CYP19A1: variants seen among roughly 807,000 people sequenced by gnomAD.
CYP19A1 encodes aromatase.
A neutral mutation model predicts 44.4 loss-of-function variants in CYP19A1; 32 were observed. The observed-to-expected ratio is 0.72, with a 90% CI of 0.54 to 0.97. The LOEUF (loss-of-function observed/expected upper bound fraction) is 0.97, where lower values mean the gene tolerates loss of function less well. Ranked by LOEUF, CYP19A1 falls within the 50% of genes least tolerant of loss-of-function variation. The pLI is 0.00. For missense variants in CYP19A1, 598 were observed against 637.8 expected (o/e 0.94, Z 0.67); for synonymous variants, 212 against 215.6 (o/e 0.98, Z 0.14).
rs77828415 is a variant in CYP19A1 at position 51,210,528 on chromosome 15, T to A, written c.*280A>T. The A allele has an allele frequency of 2.8e-3, 1,620 of 585,826 alleles. 35 individuals are homozygous for A. In the East Asian group the frequency reaches 0.048, roughly 17 times the overall value. The allele number at this position is 585,826 out of a possible 1,614,324, so 36.3% of individuals were successfully genotyped here. A position where few individuals can be genotyped will look rare whatever the true frequency, so the allele number is the denominator to read the frequency against. ...GAAGGCCTATCCTTCTCAAAGCACA[T>A]TTGGTGGAATCGGGTCTTTATGGAT... On this transcript the variant is annotated 3_prime_UTR_variant, in exon 10 of 10. Coordinates refer to ENST00000396402, the MANE Select transcript of CYP19A1 (RefSeq NM_000103.4).
At chr15:51,213,352 A>T (rs2031225161) in intron 8 of CYP19A1, among the ~76,000 whole-genome samples, 1 of 152,194 alleles carries the variant, frequency 6.6e-6, no homozygotes, top group Non-Finnish European at 1.5e-5. Flanking sequence ...AGACATGGTA[A>T]AGCTTCAGAG....
chr15:51,319,750 C>T (rs946214044), intron 1 of CYP19A1, among the ~76,000 whole-genome samples: 2 of 152,224 alleles, frequency 1.3e-5, no homozygotes, highest in African/African-American at 4.8e-5. Flanking sequence ...TAGCCCTGCA[C>T]GTGTGCAAGC....
rs148195871 is a variant in CYP19A1 at position 51,224,558 on chromosome 15, G to A, written c.452-2033C>T. ...AGTACTATAGGCTCTACTACTGTAG[G>A]GTCTACCCTTTTGACATTTCTTGAA... On this transcript the variant is annotated intron_variant, in intron 4 of 9. Coordinates refer to ENST00000396402, the MANE Select transcript of CYP19A1 (RefSeq NM_000103.4). 8.5e-5 allele frequency among the ~76,000 whole-genome samples: 13 copies of A among 152,222 alleles called. No individual in the cohort carries two copies. In the East Asian group the frequency reaches 2.5e-3, roughly 29 times the overall value.
intron 1 of CYP19A1, among the ~76,000 whole-genome samples, chr15:51,245,757 T>A (rs1282599860): frequency 1.3e-5 from 2 of 152,248 alleles, no homozygotes; most frequent in Non-Finnish European, 2.9e-5. Context: ...CTAAGCACTT[T>A]AGAAATATTA....
At chr15:51,216,671 G>T (rs942164143) in intron 6 of CYP19A1, among the ~76,000 whole-genome samples, 1 of 152,292 alleles carries the variant, frequency 6.6e-6, no homozygotes, top group Middle Eastern at 3.4e-3. Context: ...TGCCTTGTTA[G>T]TTTCTGCCAC....
intron 2 of CYP19A1, 35 bp downstream of exon 2, chr15:51,242,733 A>G: frequency 1.5e-6 from 2 of 1,378,156 alleles, no homozygotes; most frequent in Admixed American, 1.7e-5. Context: ...CAAGTAAATA[A>G]TCTCCTTAGA....
At chr15:51,241,438 C>T (rs992452043) in intron 2 of CYP19A1, among the ~76,000 whole-genome samples, 6 of 152,122 alleles carry the variant, frequency 3.9e-5, no homozygotes, top group East Asian at 1.9e-4. Flanking sequence ...GGCAATGCTG[C>T]GTGGGCAATG....
chr15:51,335,081 T>C (rs1401550164), intron 1 of CYP19A1, among the ~76,000 whole-genome samples: 1 of 152,144 alleles, frequency 6.6e-6, no homozygotes, highest in South Asian at 2.1e-4. Context: ...AATAACCATT[T>C]TGTACTCCAA....
At chr15:51,291,643 A>G (rs568062751) in intron 1 of CYP19A1, among the ~76,000 whole-genome samples, 16 of 152,348 alleles carry the variant, frequency 1.1e-4, no homozygotes, top group African/African-American at 3.6e-4. Flanking sequence ...AGCCTTGAAC[A>G]TGTTGAAATG....
chr15:51,295,975 A>C (rs2035987251), intron 1 of CYP19A1, among the ~76,000 whole-genome samples: 1 of 152,190 alleles, frequency 6.6e-6, no homozygotes, highest in Non-Finnish European at 1.5e-5. Context: ...GTTGAAGATG[A>C]CCATGACCAA....
intron 1 of CYP19A1, among the ~76,000 whole-genome samples, chr15:51,295,140 T>G (rs1277393565): frequency 3.2e-4 from 35 of 109,786 alleles, no homozygotes; most frequent in Non-Finnish European, 4.4e-4. Flanking sequence ...CAACGTGTTT[T>G]TTTTTTTTTT....
chr15:51,233,551 G>T (rs1319589033), intron 3 of CYP19A1, among the ~76,000 whole-genome samples: 1 of 152,158 alleles, frequency 6.6e-6, no homozygotes, highest in Non-Finnish European at 1.5e-5. Context: ...ATCATTCAGT[G>T]CTTAGTATAT....
intron 1 of CYP19A1, among the ~76,000 whole-genome samples, chr15:51,298,967 G>A (rs9282663): frequency 0.032 from 4,838 of 152,356 alleles, 106 homozygotes; most frequent in Middle Eastern, 0.061. Context: ...GAAGTTGGGA[G>A]AGGAGTGGCT....
chr15:51,210,678 G>A lies in CYP19A1; in HGVS notation c.*130C>T, dbSNP rs2141029169. Reference sequence around the variant, plus strand: ...CACCTAGCTTGGTGACAACCCATAGGAGGTATGCCTATAAAATGCCATGGG... The same window carrying A: ...CACCTAGCTTGGTGACAACCCATAGAAGGTATGCCTATAAAATGCCATGGG... On this transcript the variant is annotated 3_prime_UTR_variant, in exon 10 of 10. Coordinates refer to ENST00000396402, the MANE Select transcript of CYP19A1 (RefSeq NM_000103.4). 1 of 777,734 alleles carries A rather than the reference G, an allele frequency of 1.3e-6. No individual in the cohort carries two copies. The highest frequency in any genetic ancestry group is 2.4e-5 in the East Asian group (1 of 41,072). 48.2% of individuals were successfully genotyped at this position (777,734 alleles called of 1,614,324 possible). A position where few individuals can be genotyped will look rare whatever the true frequency, so the allele number is the denominator to read the frequency against.
At chr15:51,334,289 C>A (rs187457536) in intron 1 of CYP19A1, among the ~76,000 whole-genome samples, 10 of 152,306 alleles carry the variant, frequency 6.6e-5, no homozygotes, top group Admixed American at 3.9e-4. Flanking sequence ...GAGGTTTCAA[C>A]AATGTGACCT....
intron 1 of CYP19A1, among the ~76,000 whole-genome samples, chr15:51,286,808 C>T (rs1207256870): frequency 6.6e-6 from 1 of 152,090 alleles, no homozygotes; most frequent in African/African-American, 2.4e-5. Context: ...AGGCAGGGAC[C>T]CAAGCATAGG....
intron 3 of CYP19A1, among the ~76,000 whole-genome samples, chr15:51,231,621 A>G (rs1408053390): frequency 6.6e-6 from 1 of 151,280 alleles, no homozygotes; most frequent in Admixed American, 6.6e-5. Flanking sequence ...AAAACCACAC[A>G]TGCGCACACA....
At chr15:51,252,297 C>T (rs938977378) in intron 1 of CYP19A1, among the ~76,000 whole-genome samples, 1 of 152,080 alleles carries the variant, frequency 6.6e-6, no homozygotes, top group Non-Finnish European at 1.5e-5. Context: ...TTCTGGGATC[C>T]CAGACCCCCT....
chr15:51,256,647 C>T (rs1480952430), intron 1 of CYP19A1, among the ~76,000 whole-genome samples: 1 of 152,206 alleles, frequency 6.6e-6, no homozygotes, highest in African/African-American at 2.4e-5. Flanking sequence ...CTTAACCTCC[C>T]TAAGCCTCAC....
Sources: gnomAD v4.1 joint callset for allele counts (sites outside exome capture counted in the v4.1 genomes callset) on GRCh38, gnomAD v4.1.1 for gene constraint, MANE v1.5 for transcripts, NCBI Gene and HGNC (gene_info 2026-07-23, HGNC 2026-07-21) for gene names.